Variants in COL23A1 observed in about 807,000 individuals in gnomAD.
The protein encoded by COL23A1 is collagen type XXIII alpha 1 chain, also known as collagen alpha-1(XXIII) chain.
COL23A1 carries 97 observed loss-of-function variants against 99.3 expected under a neutral mutation model. The ratio of observed to expected loss-of-function variants is 0.98; its 90% CI spans 0.83 to 1.16. COL23A1 has a LOEUF of 1.16. Ranked by LOEUF, COL23A1 falls within the 50% of genes most tolerant of loss-of-function variation. COL23A1 has a pLI of 0.00. For synonymous variants in COL23A1, 320 were observed against 308.2 expected (o/e 1.04, Z -0.40); for missense variants, 762 against 757.4 (o/e 1.01, Z -0.07).
chr5:178,256,372 T>C lies in COL23A1; in HGVS notation c.863A>G (p.Asp288Gly), dbSNP rs374627586. 1.9e-6 allele frequency: 3 copies of C among 1,607,280 alleles called. No homozygotes were observed. The highest frequency in any genetic ancestry group is 1.7e-6 in the Non-Finnish European group (2 of 1,176,500). The change falls in exon 15 of 29, where the codon GAT (aspartate) becomes GGT (glycine). Residue 288 changes from aspartate to glycine, a missense_variant. Coordinates refer to ENST00000390654, the MANE Select transcript of COL23A1 (RefSeq NM_173465.4). The stretch of plus-strand genomic sequence containing the variant: ...GCTTACCCGGGGCCCTGCAGCTCCA[T>C]CCGTGCCTCGGTGGCCAGGCTCCCC... ...PKGEPGHRGT[D>G]GAAGPRGAPG...
intron 1 of COL23A1, among the ~76,000 whole-genome samples, chr5:178,575,716 G>A (rs927102491): frequency 6.6e-6 from 1 of 152,332 alleles, no homozygotes; most frequent in African/African-American, 2.4e-5. Flanking sequence ...TGATTGCTGT[G>A]AGAGCAGAAA....
rs758080443 is a variant in COL23A1 at position 178,255,928 on chromosome 5, G to T, written c.882+425C>A. On this transcript the variant is annotated intron_variant, in intron 15 of 28. Transcript: ENST00000390654. This position sits in a 1 kb window ranked among gnomAD's most constrained non-coding sequence, Gnocchi z 4.2. ...ATGTTGATAGGGGCTGGTCACAAAA[G>T]ATCTGGGGCAGGCTGGGGTGCTGTG... 27 of 268,550 alleles carry T rather than the reference G, an allele frequency of 1.0e-4. No homozygotes were observed. The highest frequency in any genetic ancestry group is 6.5e-4 in the Middle Eastern group (1 of 1,544). The allele number at this position is 268,550 out of a possible 1,614,324, so 16.6% of individuals were successfully genotyped here.
intron 2 of COL23A1, among the ~76,000 whole-genome samples, chr5:178,416,201 T>C (rs551387809): frequency 6.6e-6 from 1 of 152,342 alleles, no homozygotes; most frequent in African/African-American, 2.4e-5. Flanking sequence ...TACATCTGGA[T>C]TGCTTACATA....
chr5:178,448,717 G>A (rs1056747665), intron 2 of COL23A1, among the ~76,000 whole-genome samples: 1 of 151,974 alleles, frequency 6.6e-6, no homozygotes. Flanking sequence ...ACCCAAATAC[G>A]TCCCATTAGG....
chr5:178,304,481 G>C (rs752024489), intron 3 of COL23A1, among the ~76,000 whole-genome samples: 10 of 124,088 alleles, frequency 8.1e-5, no homozygotes, highest in African/African-American at 3.2e-4. Context: ...CTGCACTCCA[G>C]CCTGAGTGAC....
At chr5:178,452,333 A>G (rs772951398) in intron 2 of COL23A1, among the ~76,000 whole-genome samples, 22 of 152,178 alleles carry the variant, frequency 1.4e-4, no homozygotes, top group Middle Eastern at 3.2e-3. Context: ...CACATTTCCT[A>G]CTTTACACGG....
At chr5:178,326,376 C>T (rs1759658547) in intron 2 of COL23A1, among the ~76,000 whole-genome samples, 2 of 150,744 alleles carry the variant, frequency 1.3e-5, no homozygotes, top group South Asian at 4.2e-4. Flanking sequence ...TCCAAACATA[C>T]TTGGAAGTGG....
At chr5:178,292,081 C>T (rs1757490307) in intron 3 of COL23A1, among the ~76,000 whole-genome samples, 1 of 152,150 alleles carries the variant, frequency 6.6e-6, no homozygotes, top group Admixed American at 6.6e-5. Flanking sequence ...TGTACCTGTG[C>T]CTGGACCTGC....
chr5:178,537,196 T>A (rs11249550), intron 2 of COL23A1, among the ~76,000 whole-genome samples: 2,634 of 149,418 alleles, frequency 0.018, 77 homozygotes, highest in African/African-American at 0.061. Flanking sequence ...ACCACCCGTG[T>A]CCCCATCTCT....
intron 4 of COL23A1, among the ~76,000 whole-genome samples, chr5:178,290,049 G>T (rs954041743): frequency 3.9e-5 from 6 of 151,988 alleles, no homozygotes; most frequent in Admixed American, 1.3e-4. Context: ...TTCGTGCCTC[G>T]ATTTCCTGAG....
At chr5:178,261,775 A>T (rs1765640068) in intron 10 of COL23A1, 27 bp from the exon 11 acceptor site, 2 of 1,582,096 alleles carry the variant, frequency 1.3e-6, no homozygotes, top group Non-Finnish European at 1.7e-6. Flanking sequence ...GAAGGTGTTA[A>T]ATGTCATACT....
chr5:178,300,848 G>A (rs906441361), intron 3 of COL23A1, among the ~76,000 whole-genome samples: 4 of 152,138 alleles, frequency 2.6e-5, no homozygotes, highest in African/African-American at 9.7e-5. Context: ...ACAGGCGTGA[G>A]CCACCATGCC....
intron 2 of COL23A1, among the ~76,000 whole-genome samples, chr5:178,499,574 A>T (rs1758411341): frequency 6.6e-6 from 1 of 152,256 alleles, no homozygotes; most frequent in Non-Finnish European, 1.5e-5. Context: ...TCAAAAACAA[A>T]GTCTGAGAAT....
chr5:178,367,647 G>T (rs1001003704), intron 2 of COL23A1, among the ~76,000 whole-genome samples: 8 of 152,200 alleles, frequency 5.3e-5, no homozygotes, highest in African/African-American at 9.6e-5. Context: ...GGCTGCAGAG[G>T]GCCCATGGGA....
At chr5:178,353,830 C>T (rs1761466987) in intron 2 of COL23A1, among the ~76,000 whole-genome samples, 1 of 151,670 alleles carries the variant, frequency 6.6e-6, no homozygotes, top group South Asian at 2.1e-4. Flanking sequence ...TCATTTAACG[C>T]AGCCATTCAA....
chr5:178,330,509 T>C (rs1385504604), intron 2 of COL23A1, among the ~76,000 whole-genome samples: 1 of 152,068 alleles, frequency 6.6e-6, no homozygotes, highest in Non-Finnish European at 1.5e-5. Context: ...ATACTATATA[T>C]GTACATATAT....
intron 2 of COL23A1, among the ~76,000 whole-genome samples, chr5:178,513,329 C>CA (rs771150082): frequency 6.6e-6 from 1 of 152,190 alleles, no homozygotes; most frequent in Non-Finnish European, 1.5e-5. Flanking sequence ...TTTAGGGACT[C>CA]AGTTTACAAA....
intron 11 of COL23A1, among the ~76,000 whole-genome samples, chr5:178,261,350 G>A (rs551141756): frequency 6.6e-6 from 1 of 152,188 alleles, no homozygotes; most frequent in South Asian, 2.1e-4. Flanking sequence ...GGAGGTGGAG[G>A]CTGCAGTGAG....
At chr5:178,345,811 CG>C (rs1456434853) in intron 2 of COL23A1, among the ~76,000 whole-genome samples, 1 of 151,966 alleles carries the variant, frequency 6.6e-6, no homozygotes, top group East Asian at 1.9e-4. Context: ...AGGTATGAGC[CG>C]TTGCGCCCGG....
Sources: allele counts gnomAD v4.1 joint callset (sites outside exome capture counted in the v4.1 genomes callset), GRCh38; gene constraint gnomAD v4.1.1; non-coding constraint Gnocchi (gnomAD v3.1); transcripts MANE v1.5; gene names NCBI Gene and HGNC (gene_info 2026-07-23, HGNC 2026-07-21).